Variants in PILRB observed in about 807,000 individuals in gnomAD.
The protein encoded by PILRB is paired immunoglobulin-like type 2 receptor beta.
A neutral mutation model predicts 20.5 loss-of-function variants in PILRB; 21 were observed. That is an observed-to-expected ratio of 1.02 (90% CI 0.72 to 1.47). The LOEUF is 1.47. Ranked by LOEUF, PILRB falls within the 40% of genes most tolerant of loss-of-function variation. The probability of loss-of-function intolerance (pLI) is 0.00; values close to 1 mark genes in which losing one functional copy is unlikely to be tolerated. For missense variants in PILRB, 253 were observed against 272.1 expected (o/e 0.93, Z 0.49); for synonymous variants, 133 against 115.1 (o/e 1.16, Z -0.99).
chr7:100,363,969 G>A (rs1413084132), intron 3 of PILRB, among the ~76,000 whole-genome samples: 5 of 152,132 alleles, frequency 3.3e-5, no homozygotes, highest in East Asian at 3.9e-4. Flanking sequence ...TTAGCCAGGC[G>A]TGGTGGCGCA....
chr7:100,359,586 T>C, intron 3 of PILRB, 49 bp downstream of exon 3: 3 of 1,518,146 alleles, frequency 2.0e-6, no homozygotes, highest in Non-Finnish European at 2.7e-6. Flanking sequence ...GCTGGGGGTT[T>C]CTCTGAGCCC....
chr7:100,367,352 GC>G lies in PILRB; in HGVS notation c.660del (p.Ser220ArgfsTer20). 1 of 780,946 alleles carries G rather than the reference GC, an allele frequency of 1.3e-6. No homozygotes were observed. The highest frequency in any genetic ancestry group is 2.4e-6 in the Non-Finnish European group (1 of 418,026). 48.4% of individuals were successfully genotyped at this position (780,946 alleles called of 1,614,324 possible). A position where few individuals can be genotyped will look rare whatever the true frequency, so the allele number is the denominator to read the frequency against. On this transcript the variant is annotated frameshift_variant, in exon 4 of 4. Transcript: ENST00000609309. LOFTEE classifies it high-confidence loss of function. ...LLLWWRRRKGSRAPSSDF is the reference protein window; with the variant it reads ...LLLWWRRRKGXRAPSSDF ...AAAAACACTTCCCCTCCTGCAGGTAGCAGGGCGCCAAGCAGTGACTTCTGAC... is the reference window on the plus strand; with the variant it reads ...AAAAACACTTCCCCTCCTGCAGGTAGAGGGCGCCAAGCAGTGACTTCTGAC...
In PILRB at chr7:100,358,141, G is replaced by A; in HGVS notation, c.-162G>A. The A allele has an allele frequency of 5.5e-6, 4 of 721,686 alleles. No individual in the cohort carries two copies. The highest frequency in any genetic ancestry group is 9.6e-6 in the Non-Finnish European group (4 of 415,856). 44.7% of individuals were successfully genotyped at this position (721,686 alleles called of 1,614,324 possible). A position where few individuals can be genotyped will look rare whatever the true frequency, so the allele number is the denominator to read the frequency against. On this transcript the variant is annotated 5_prime_UTR_variant, in exon 1 of 4. Transcript: ENST00000609309. ...TAAAGGAAGTGCTGGTCACCCTGGAGGTGTACTGGTTTGGGGAAGGTCCCC... is the reference window on the plus strand; with the variant it reads ...TAAAGGAAGTGCTGGTCACCCTGGAAGTGTACTGGTTTGGGGAAGGTCCCC...
intron 3 of PILRB, among the ~76,000 whole-genome samples, chr7:100,361,955 TTAAC>T (rs1399541968): frequency 1.3e-5 from 2 of 151,904 alleles, no homozygotes; most frequent in Non-Finnish European, 2.9e-5. Context: ...ACTGATAAAT[TTAAC>T]TATATAAAAA....
rs11761306 is a variant in PILRB at position 100,358,821 on chromosome 7, A to G, written c.196A>G (p.Asn66Asp). ...YYPWELAIVP[N>D]VRISWRRGHF... ...CCCCTGGGAGTTAGCCATAGTTCCC[A>G]ACGTGAGAATATCCTGGAGACGGGG... is the stretch of plus-strand genomic sequence containing the variant. The change falls in exon 2 of 4, where the codon AAC becomes GAC. Residue 66 changes from asparagine to aspartate, a missense_variant. Transcript: ENST00000609309. 186,843 of 1,435,494 alleles carry G rather than the reference A, an allele frequency of 0.13. 24,534 individuals carry two copies. The highest frequency in any genetic ancestry group is 0.15 in the Middle Eastern group (776 of 5,184). 88.9% of individuals were successfully genotyped at this position (1,435,494 alleles called of 1,614,324 possible).
At position 100,358,967 on chromosome 7, in the gene PILRB, C is replaced by T. The variant is rs1790448509; in HGVS notation, c.342C>T (p.Asn114=). Residue 114 remains asparagine (N), a synonymous_variant, in exon 2 of 4, where the codon AAC becomes AAT. Coordinates refer to ENST00000609309, the MANE Select transcript of PILRB (RefSeq NM_178238.4). ...AGAGCGGCTTCCTCAGGATCTCAAACCTGCGGAAGGAGGACCAGTCTGTGT... is the reference window on the plus strand; with the variant it reads ...AGAGCGGCTTCCTCAGGATCTCAAATCTGCGGAAGGAGGACCAGTCTGTGT... ...GQESGFLRIS[N]LRKEDQSVYF... is the part of the protein sequence containing the mutation. 6.2e-7 allele frequency: 1 copy of T among 1,614,054 alleles called. No homozygotes were observed. Among genetic ancestry groups the T allele is most frequent in the South Asian group, 1.1e-5 (1 of 91,080 alleles).
chr7:100,359,547 C>A lies in PILRB; in HGVS notation c.655+10C>A, dbSNP rs979140160. The A allele has an allele frequency of 6.2e-6, 10 of 1,610,328 alleles. No homozygotes were observed. The African/African-American group carries it at 1.3e-4, about 22-fold the overall frequency. On this transcript the variant is annotated intron_variant, in intron 3 of 3. Transcript: ENST00000609309. ...TGGAGGAGAAGGAAAGGTAAGTGCCCAGAACGCACTGTCTCCTCAAGCTTC... is the reference window on the plus strand; with the variant it reads ...TGGAGGAGAAGGAAAGGTAAGTGCCAAGAACGCACTGTCTCCTCAAGCTTC...
intron 3 of PILRB, among the ~76,000 whole-genome samples, chr7:100,361,652 C>T (rs1267589478): frequency 6.6e-6 from 1 of 152,182 alleles, no homozygotes; most frequent in Non-Finnish European, 1.5e-5. Context: ...GAGATGGTGA[C>T]ACTGCACTCC....
chr7:100,363,360 T>C (rs1790586904), intron 3 of PILRB, among the ~76,000 whole-genome samples: 1 of 152,178 alleles, frequency 6.6e-6, no homozygotes, highest in South Asian at 2.1e-4. Flanking sequence ...AGCAAAAATG[T>C]ATTACATTTC....
chr7:100,359,907 C>T (rs1426889481), intron 3 of PILRB, among the ~76,000 whole-genome samples: 1 of 152,202 alleles, frequency 6.6e-6, no homozygotes, highest in Non-Finnish European at 1.5e-5. Context: ...CTTATAGTCC[C>T]AGCTACTCAG....
chr7:100,362,962 A>AT (rs1279765099), intron 3 of PILRB, among the ~76,000 whole-genome samples: 2 of 152,080 alleles, frequency 1.3e-5, no homozygotes, highest in African/African-American at 2.4e-5. Context: ...CAGGAATAAG[A>AT]GAAGGATGCC....
chr7:100,359,971 C>A (rs1790480075), intron 3 of PILRB, among the ~76,000 whole-genome samples: 1 of 152,174 alleles, frequency 6.6e-6, no homozygotes, highest in Non-Finnish European at 1.5e-5. Flanking sequence ...TGCAGTGAGT[C>A]AAGGTCGTGC....
rs1222940584 is a variant in PILRB at position 100,358,270 on chromosome 7, T to C, written c.-33T>C. 1.2e-6 allele frequency: 2 copies of C among 1,611,114 alleles called. No individual in the cohort carries two copies. Among genetic ancestry groups the C allele is most frequent in the African/African-American group, 1.3e-5 (1 of 74,886 alleles). On this transcript the variant is annotated 5_prime_UTR_variant, in exon 1 of 4. Transcript: ENST00000609309. The stretch of plus-strand genomic sequence containing the variant: ...CCCTCTCCTGCCTGGACAGCTCTGC[T>C]GGTCTCCCCGTCCCCTGGAGAAGAA...
intron 3 of PILRB, among the ~76,000 whole-genome samples, chr7:100,359,884 A>C (rs931037126): frequency 6.6e-6 from 1 of 152,194 alleles, no homozygotes; most frequent in African/African-American, 2.4e-5. Context: ...TTAGCTGGGC[A>C]TGGTGGCACA....
At chr7:100,358,403 C>G in intron 1 of PILRB, 37 bp downstream of exon 1, 1 of 1,606,594 alleles carries the variant, frequency 6.2e-7, no homozygotes. Context: ...GGTCTCTGCC[C>G]AAACCACAGG....
In PILRB at chr7:100,367,534, G is replaced by C; in HGVS notation, c.*157G>C. ...AAAGCCGCAAGGCAGAAGGAGGCTGGGTCCCTGAATCACCGACTGGAGGAG... is the reference window on the plus strand; with the variant it reads ...AAAGCCGCAAGGCAGAAGGAGGCTGCGTCCCTGAATCACCGACTGGAGGAG... On this transcript the variant is annotated 3_prime_UTR_variant, in exon 4 of 4. Transcript: ENST00000609309. The C allele has an allele frequency of 1.6e-6, 1 of 638,096 alleles. No homozygotes were observed. 39.5% of individuals were successfully genotyped at this position (638,096 alleles called of 1,614,324 possible).
intron 1 of PILRB, 70 bp downstream of exon 1, chr7:100,358,436 C>T (rs935900731): frequency 5.1e-6 from 8 of 1,562,432 alleles, no homozygotes; most frequent in Middle Eastern, 1.7e-4. Flanking sequence ...AAGACAAAGG[C>T]AGAACATCTG....
chr7:100,359,322 C>T lies in PILRB; in HGVS notation c.455-15C>T, dbSNP rs757913435. On this transcript the variant is annotated splice_polypyrimidine_tract_variant and intron_variant, in intron 2 of 3. Coordinates refer to ENST00000609309, the MANE Select transcript of PILRB (RefSeq NM_178238.4). ...ACCCCCAGAAGAGGGTCTGCTCATTCCTCATCTCTTCCAGCTGTCACAACC... is the reference window on the plus strand; with the variant it reads ...ACCCCCAGAAGAGGGTCTGCTCATTTCTCATCTCTTCCAGCTGTCACAACC... The T allele has an allele frequency of 9.9e-6, 16 of 1,613,652 alleles. No individual in the cohort carries two copies. Among genetic ancestry groups the T allele is most frequent in the Non-Finnish European group, 1.3e-5 (15 of 1,179,738 alleles).
In PILRB at chr7:100,358,196, C is replaced by T. The variant is rs1461505251; in HGVS notation, c.-107C>T. ...CCCACAGCCCTCTGGGGAGCCTCAC[C>T]CTGGCTCTCCCCACTCACCTCAGCC... On this transcript the variant is annotated 5_prime_UTR_variant, in exon 1 of 4. Coordinates refer to ENST00000609309, the MANE Select transcript of PILRB (RefSeq NM_178238.4). 5.9e-6 allele frequency: 8 copies of T among 1,356,736 alleles called. No individual in the cohort carries two copies. Among genetic ancestry groups the T allele is most frequent in the Admixed American group, 1.7e-5 (1 of 58,900 alleles). The allele number at this position is 1,356,736 out of a possible 1,614,324, so 84.0% of individuals were successfully genotyped here.
Sources: allele counts gnomAD v4.1 joint callset (sites outside exome capture counted in the v4.1 genomes callset), GRCh38; gene constraint gnomAD v4.1.1; transcripts MANE v1.5; gene names NCBI Gene and HGNC (gene_info 2026-07-23, HGNC 2026-07-21).